MNS1: variants seen among roughly 807,000 people sequenced by gnomAD.
MNS1 encodes the protein meiosis-specific nuclear structural protein 1.
Under a neutral mutation model 72.0 loss-of-function variants are expected in MNS1, and 63 were observed. The ratio of observed to expected loss-of-function variants is 0.87; its 90% CI spans 0.71 to 1.08. MNS1 has a LOEUF of 1.08. MNS1 is among the 50% of genes least tolerant of loss of function. MNS1 has a pLI of 0.00. For missense variants in MNS1, 604 were observed against 562.4 expected (o/e 1.07, Z -0.75); for synonymous variants, 188 against 172.1 (o/e 1.09, Z -0.72).
chr15:56,431,079 G>A (rs1304529580), intron 9 of MNS1, among the ~76,000 whole-genome samples: 3 of 152,086 alleles, frequency 2.0e-5, no homozygotes, highest in African/African-American at 4.8e-5. Flanking sequence ...GAGAATCACC[G>A]GGAGGCAGAG....
Position 56,456,407 on chromosome 15 carries a change from C to T in MNS1, c.340G>A (p.Val114Ile), listed in dbSNP as rs2140376668. 1 of 1,607,682 alleles carries T rather than the reference C, an allele frequency of 6.2e-7. No homozygotes were observed. Among genetic ancestry groups the T allele is most frequent in the Non-Finnish European group, 8.5e-7 (1 of 1,178,378 alleles). ...AAACCAAGATACCTGTTTTCTCTTA[C>T]TTGTTGCCTCATCTTTTCGTCCTTT... is the stretch of plus-strand genomic sequence containing the variant. The part of the protein sequence containing the change: ...SLKDEKMRQQ[V>I]RENSIELREL... The change falls in exon 3 of 10, where the codon GTA becomes ATA. Residue 114 changes from valine to isoleucine, a missense_variant. Physicochemically the swap from Val to Ile is conservative, Grantham distance 29 (BLOSUM62 3). Coordinates refer to ENST00000260453, the MANE Select transcript of MNS1 (RefSeq NM_018365.4).
rs746847536 is a variant in MNS1 at position 56,464,246 on chromosome 15, C to G, written c.5G>C (p.Gly2Ala). ...ACAGCTCAAATTTCTCCTTTTGGAA[C>G]CCTACGATGGAAGAAAAAAAAAGAT... M[G>A]SKRRNLSCSE... The change falls in exon 2 of 10, where the codon GGT becomes GCT. Residue 2 changes from glycine to alanine, a missense_variant and splice_region_variant. Transcript: ENST00000260453. 1 of 1,579,920 alleles carries G rather than the reference C, an allele frequency of 6.3e-7. No individual in the cohort carries two copies. The highest frequency in any genetic ancestry group is 1.2e-5 in the South Asian group (1 of 85,406).
At chr15:56,433,543 C>T (rs545510503) in intron 8 of MNS1, among the ~76,000 whole-genome samples, 1 of 152,280 alleles carries the variant, frequency 6.6e-6, no homozygotes, top group East Asian at 1.9e-4. Flanking sequence ...TCCTTAACAT[C>T]TCTCGGGTGG....
chr15:56,437,845 A>G (rs2050754554), intron 7 of MNS1, among the ~76,000 whole-genome samples: 1 of 152,126 alleles, frequency 6.6e-6, no homozygotes, highest in Non-Finnish European at 1.5e-5. Context: ...GAGCCAAATC[A>G]TGAGTGAACT....
In MNS1 at chr15:56,431,383, T is replaced by C. The variant is rs751782350; in HGVS notation, c.1385A>G (p.Tyr462Cys). The C allele has an allele frequency of 8.7e-6, 14 of 1,611,718 alleles. No individual in the cohort carries two copies. The highest frequency in any genetic ancestry group is 5.0e-5 in the Admixed American group (3 of 59,848). Residue 462 changes from tyrosine to cysteine, a missense_variant, in exon 9 of 10, where the codon TAT (tyrosine) becomes TGT (cysteine). By Grantham distance (194) the Tyr-to-Cys change is radical. Coordinates refer to ENST00000260453, the MANE Select transcript of MNS1 (RefSeq NM_018365.4). ...ATAAATCTCACTTACTTTAGGGAGATAGCCTAGTAAGTTTGTAGCATGCTC... is the reference window on the plus strand; with the variant it reads ...ATAAATCTCACTTACTTTAGGGAGACAGCCTAGTAAGTTTGTAGCATGCTC... Reference protein sequence around the residue: ...LKEHATNLLGYLPKGVFKKED... With the variant: ...LKEHATNLLGCLPKGVFKKED...
intron 5 of MNS1, among the ~76,000 whole-genome samples, 188 bp from the exon 6 acceptor site, chr15:56,444,042 G>T (rs529782474): frequency 1.2e-4 from 19 of 152,068 alleles, no homozygotes; most frequent in African/African-American, 4.6e-4. Context: ...GTAGAATACT[G>T]TGATAGTCTC....
chr15:56,437,160 A>C (rs1442103822), intron 7 of MNS1, among the ~76,000 whole-genome samples: 2 of 151,940 alleles, frequency 1.3e-5, no homozygotes, highest in Non-Finnish European at 1.5e-5. Flanking sequence ...AGACACCACA[A>C]AAAAAAGAGA....
chr15:56,458,238 A>G (rs1464722204), intron 2 of MNS1, among the ~76,000 whole-genome samples: 1 of 152,210 alleles, frequency 6.6e-6, no homozygotes, highest in African/African-American at 2.4e-5. Context: ...GTGATGTTGT[A>G]TATTCACAAT....
At chr15:56,440,677 C>T (rs1207873943) in intron 7 of MNS1, among the ~76,000 whole-genome samples, 2 of 152,020 alleles carry the variant, frequency 1.3e-5, no homozygotes, top group Non-Finnish European at 2.9e-5. Context: ...GGATGAATTT[C>T]CAGGAAATTA....
At chr15:56,434,023 A>G in intron 8 of MNS1, 115 bp downstream of exon 8, 2 of 1,178,294 alleles carry the variant, frequency 1.7e-6, no homozygotes, top group Non-Finnish European at 2.4e-6. Flanking sequence ...ATATATTAGT[A>G]AACATACTAA....
rs754197436 is a variant in MNS1 at position 56,431,424 on chromosome 15, C to A, written c.1344G>T (p.Arg448Ser). Residue 448 changes from arginine to serine, a missense_variant, in exon 9 of 10, where the codon AGG (arginine) becomes AGT (serine). Transcript: ENST00000260453. Reference sequence around the variant, plus strand: ...TAGCATGCTCTTTAAGAAGTTTTAGCCTTTCTTCTTCAATAATTGCATTAA... The same window carrying A: ...TAGCATGCTCTTTAAGAAGTTTTAGACTTTCTTCTTCAATAATTGCATTAA... ...GFINAIIEEE[R>S]LKLLKEHATN... 33 of 1,613,374 alleles carry A rather than the reference C, an allele frequency of 2.0e-5. No individual in the cohort carries two copies. The highest frequency in any genetic ancestry group is 2.5e-5 in the Non-Finnish European group (30 of 1,179,814).
rs2050982622 is a variant in MNS1, at chr15:56,456,498, T to C, written c.249A>G (p.Lys83=). 1 of 1,611,152 alleles carries C rather than the reference T, an allele frequency of 6.2e-7. No individual in the cohort carries two copies. Among genetic ancestry groups the C allele is most frequent in the South Asian group, 1.1e-5 (1 of 90,062 alleles). The change falls in exon 3 of 10, where the codon AAA becomes AAG. Residue 83 remains lysine (K), a synonymous_variant. Coordinates refer to ENST00000260453, the MANE Select transcript of MNS1 (RefSeq NM_018365.4). Reference sequence around the variant, plus strand: ...TTTCTTCTTGTTTGAGCTGGAGTTCTTTCAATCTCTTGTTTTCTTCTGCCT... The same window carrying C: ...TTTCTTCTTGTTTGAGCTGGAGTTCCTTCAATCTCTTGTTTTCTTCTGCCT... ...IQKAEENKRL[K]ELQLKQEEKL... is the part of the protein sequence containing the mutation.
intron 7 of MNS1, among the ~76,000 whole-genome samples, chr15:56,439,781 C>G (rs1282465662): frequency 2.9e-4 from 43 of 146,670 alleles, no homozygotes; most frequent in African/African-American, 1.1e-3. Context: ...AAACAAAACA[C>G]ACACACACAC....
chr15:56,443,861 A>G lies in MNS1; in HGVS notation c.687-7T>C. 8.9e-6 allele frequency: 14 copies of G among 1,579,668 alleles called. No homozygotes were observed. The highest frequency in any genetic ancestry group is 1.2e-5 in the Non-Finnish European group (14 of 1,161,196). On this transcript the variant is annotated splice_polypyrimidine_tract_variant and splice_region_variant and intron_variant, in intron 5 of 9. Transcript: ENST00000260453. ...TAACTTTTGTTGTTTTTCCCTGAAA[A>G]GCAATAACAAGTACAGATTTATAGT... is the stretch of plus-strand genomic sequence containing the variant.
intron 3 of MNS1, chr15:56,447,153 T>C: frequency 2.3e-6 from 1 of 426,518 alleles, no homozygotes; most frequent in East Asian, 3.8e-5. Flanking sequence ...TACTGCTCTG[T>C]TCTATTACAT....
chr15:56,461,324 C>T (rs1299383835), intron 2 of MNS1, among the ~76,000 whole-genome samples: 1 of 151,524 alleles, frequency 6.6e-6, no homozygotes, highest in Non-Finnish European at 1.5e-5. Flanking sequence ...TTTGTTTTGA[C>T]AAAAAGCAAG....
intron 9 of MNS1, 63 bp from the exon 10 acceptor site, chr15:56,429,256 A>G: frequency 9.8e-7 from 1 of 1,022,428 alleles, no homozygotes. Context: ...AATGCTTTTA[A>G]GACTGACAGA....
chr15:56,461,672 A>C (rs1359315805), intron 2 of MNS1, among the ~76,000 whole-genome samples: 1 of 151,164 alleles, frequency 6.6e-6, no homozygotes, highest in Non-Finnish European at 1.5e-5. Context: ...AAAAAAAAAA[A>C]AAAAAAAAAA....
chr15:56,438,995 G>T (rs1244470485), intron 7 of MNS1, among the ~76,000 whole-genome samples: 1 of 152,010 alleles, frequency 6.6e-6, no homozygotes, highest in African/African-American at 2.4e-5. Context: ...AAAGTATACA[G>T]ATCAGAAAGG....
Sources: allele counts gnomAD v4.1 joint callset (sites outside exome capture counted in the v4.1 genomes callset), GRCh38; gene constraint gnomAD v4.1.1; transcripts MANE v1.5; gene names NCBI Gene and HGNC (gene_info 2026-07-23, HGNC 2026-07-21).